Variants in TVP23B observed in about 807,000 individuals in gnomAD.
TVP23B encodes Golgi apparatus membrane protein TVP23 homolog B.
In TVP23B, 10 loss-of-function variants were observed where a neutral mutation model predicts 30.6. The ratio of observed to expected loss-of-function variants is 0.33; its 90% CI spans 0.20 to 0.55. The LOEUF is 0.55. Among genes scored for constraint, TVP23B ranks in the 20% least tolerant of loss-of-function variants. The pLI is 0.91. For synonymous variants in TVP23B, 67 were observed against 83.1 expected (o/e 0.81, Z 1.06); for missense variants, 153 against 243.2 (o/e 0.63, Z 2.47).
At chr17:18,804,048 T>C in intron 5 of TVP23B, 90 bp from the exon 6 acceptor site, 1 of 884,788 alleles carries the variant, frequency 1.1e-6, no homozygotes, top group East Asian at 2.4e-5. Context: ...TCCTTCTCTT[T>C]CTCATGACAG....
chr17:18,782,867 G>A (rs1171568666), intron 1 of TVP23B, among the ~76,000 whole-genome samples: 1 of 151,294 alleles, frequency 6.6e-6, no homozygotes, highest in Middle Eastern at 3.2e-3. Flanking sequence ...TTTCAGCAAG[G>A]TCTTTATGAC....
At chr17:18,794,938 G>A (rs2036051472) in intron 3 of TVP23B, among the ~76,000 whole-genome samples, 1 of 150,832 alleles carries the variant, frequency 6.6e-6, no homozygotes, top group South Asian at 2.1e-4. Context: ...TCTCCATTCA[G>A]GTTTGTCCTC....
At chr17:18,787,173 T>TC (rs1207167181) in intron 1 of TVP23B, among the ~76,000 whole-genome samples, 4 of 152,170 alleles carry the variant, frequency 2.6e-5, no homozygotes, top group African/African-American at 9.7e-5. Flanking sequence ...GGTGGGCGGA[T>TC]CCCTTGAGGT....
intron 1 of TVP23B, chr17:18,789,150 C>A: frequency 1.3e-6 from 1 of 771,792 alleles, no homozygotes; most frequent in Non-Finnish European, 2.0e-6. Flanking sequence ...GCTGAGACTT[C>A]GATTATTCTC....
At position 18,781,189 on chromosome 17, in the gene TVP23B, G is replaced by A; in HGVS notation, c.-105G>A. 3 of 1,517,640 alleles carry A rather than the reference G, an allele frequency of 2.0e-6. No individual in the cohort carries two copies. The highest frequency in any genetic ancestry group is 2.5e-5 in the East Asian group (1 of 40,264). 94.0% of individuals were successfully genotyped at this position (1,517,640 alleles called of 1,614,324 possible). On this transcript the variant is annotated 5_prime_UTR_variant, in exon 1 of 7. The change creates a new upstream start codon in the 5' untranslated region. Transcript: ENST00000307767. ...GTGAGGCCGGACTGAGGCTCTTACA[G>A]TGGTCCCTGCTGGCCCTTGGTGACG...
chr17:18,781,718 A>T (rs1368587040), intron 1 of TVP23B: 4 of 234,898 alleles, frequency 1.7e-5, no homozygotes, highest in Non-Finnish European at 3.3e-5. Context: ...CTGTTTCCAA[A>T]CTAATGTTGT....
At chr17:18,791,549 T>C (rs1248045664) in intron 3 of TVP23B, among the ~76,000 whole-genome samples, 1 of 152,150 alleles carries the variant, frequency 6.6e-6, no homozygotes, top group Non-Finnish European at 1.5e-5. Context: ...TATTTGTCAG[T>C]GTCCAAAAAT....
intron 5 of TVP23B, among the ~76,000 whole-genome samples, chr17:18,800,321 T>C (rs973315458): frequency 6.6e-6 from 1 of 152,204 alleles, no homozygotes; most frequent in African/African-American, 2.4e-5. Flanking sequence ...ATAATAGTTA[T>C]CTTTTGAAAA....
At position 18,799,106 on chromosome 17, in the gene TVP23B, T is replaced by C. The variant is rs551459187; in HGVS notation, c.462+163T>C. On this transcript the variant is annotated intron_variant, in intron 5 of 6. Coordinates refer to ENST00000307767, the MANE Select transcript of TVP23B (RefSeq NM_016078.6). ...TGCTTCCCAACTTTACCTTTCTCTA[T>C]AATACTGGAGAAGAGATCCTAAAAA... 4.2e-5 allele frequency: 29 copies of C among 687,680 alleles called. No homozygotes were observed. In the South Asian group the frequency reaches 1.0e-3, roughly 24 times the overall value. 42.6% of individuals were successfully genotyped at this position (687,680 alleles called of 1,614,324 possible).
chr17:18,798,749 A>G, intron 4 of TVP23B, 63 bp from the exon 5 acceptor site: 1 of 1,572,764 alleles, frequency 6.4e-7, no homozygotes, highest in Non-Finnish European at 8.6e-7. Flanking sequence ...TTTTTATTAA[A>G]CATGTTGAAC....
intron 4 of TVP23B, among the ~76,000 whole-genome samples, chr17:18,798,525 T>A (rs189227370): frequency 6.8e-4 from 103 of 152,284 alleles, no homozygotes; most frequent in African/African-American, 2.0e-3. Context: ...GAATAAATAG[T>A]ACAAGTGCAA....
chr17:18,791,255 C>T, intron 3 of TVP23B, among the ~76,000 whole-genome samples: 1 of 108,918 alleles, frequency 9.2e-6, no homozygotes, highest in South Asian at 3.5e-4. Context: ...ATGCAGGTTA[C>T]TGTGCTGCTG....
At chr17:18,789,073 T>C in intron 1 of TVP23B, 1 of 394,776 alleles carries the variant, frequency 2.5e-6, no homozygotes, top group East Asian at 4.9e-5. Context: ...AGGTGTTAAG[T>C]TGTAGTAGCC....
At chr17:18,799,008 A>G (rs2036118064) in intron 5 of TVP23B, 65 bp downstream of exon 5, 5 of 1,554,228 alleles carry the variant, frequency 3.2e-6, no homozygotes, top group Admixed American at 3.9e-5. Flanking sequence ...ATAGGAAGCA[A>G]CAACTACAAC....
intron 1 of TVP23B, among the ~76,000 whole-genome samples, chr17:18,783,467 C>T (rs560256232): frequency 5.3e-5 from 8 of 152,322 alleles, no homozygotes; most frequent in South Asian, 2.1e-4. Context: ...TGCTGCCAGG[C>T]GGTCATTCTA....
In TVP23B at chr17:18,805,979, A is replaced by T. The variant is rs1481935524; in HGVS notation, c.*412A>T. 6 of 972,876 alleles carry T rather than the reference A, an allele frequency of 6.2e-6. No homozygotes were observed. Among genetic ancestry groups the T allele is most frequent in the Admixed American group, 1.2e-4 (2 of 16,480 alleles). 60.3% of individuals were successfully genotyped at this position (972,876 alleles called of 1,614,324 possible). On this transcript the variant is annotated 3_prime_UTR_variant, in exon 7 of 7. Coordinates refer to ENST00000307767, the MANE Select transcript of TVP23B (RefSeq NM_016078.6). Reference sequence around the variant, plus strand: ...CTATATGTTTACATATTATTTCTGTAGATTGTTTTCAGGAGAAAGTTTTGC... The same window carrying T: ...CTATATGTTTACATATTATTTCTGTTGATTGTTTTCAGGAGAAAGTTTTGC...
chr17:18,797,381 C>G (rs2036091888), intron 3 of TVP23B, 198 bp from the exon 4 acceptor site: 2 of 830,922 alleles, frequency 2.4e-6, no homozygotes, highest in East Asian at 2.9e-5. Flanking sequence ...TCTGTCACCT[C>G]TACCCCTATT....
chr17:18,791,229 C>A (rs2151846294), intron 3 of TVP23B, among the ~76,000 whole-genome samples, 189 bp downstream of exon 3: 4 of 92,398 alleles, frequency 4.3e-5, no homozygotes, highest in South Asian at 4.1e-4. Flanking sequence ...TTCCCTTTGA[C>A]AATACAAGAT....
At position 18,805,432 on chromosome 17, in the gene TVP23B, G is replaced by A; in HGVS notation, c.592-109G>A. On this transcript the variant is annotated intron_variant, in intron 6 of 6. Transcript: ENST00000307767. ...ATTGGGCCATTGTATGTAAGGTAAT[G>A]CTCTGCTTAGAAATATAGAATGTTT... The A allele has an allele frequency of 2.0e-6, 3 of 1,534,984 alleles. No individual in the cohort carries two copies. The South Asian group carries it at 3.9e-5, about 20-fold the overall frequency.
Sources: allele counts gnomAD v4.1 joint callset (sites outside exome capture counted in the v4.1 genomes callset), GRCh38; gene constraint gnomAD v4.1.1; transcripts MANE v1.5; gene names NCBI Gene and HGNC (gene_info 2026-07-23, HGNC 2026-07-21).